The following MAST4 variants were observed in gnomAD, a reference collection of about 807,000 sequenced individuals.
The protein encoded by MAST4 is microtubule-associated serine/threonine-protein kinase 4.
MAST4 carries 89 observed loss-of-function variants against 162.7 expected under a neutral mutation model. That is an observed-to-expected ratio of 0.55 (90% CI 0.46 to 0.65). The LOEUF (loss-of-function observed/expected upper bound fraction) is 0.65, where lower values mean the gene tolerates loss of function less well. Among genes scored for constraint, MAST4 ranks in the 30% least tolerant of loss-of-function variants. The pLI, the probability that MAST4 is intolerant of heterozygous loss-of-function variation, is 0.00. For synonymous variants in MAST4, 1,479 were observed against 1,361.1 expected, an observed-to-expected ratio of 1.09 and a Z score of -1.91; for missense variants, 3,153 against 3,374.0, an observed-to-expected ratio of 0.93 and a Z score of 1.62.
rs553273907 is a variant in MAST4 at position 66,693,889 on chromosome 5, A to G, written c.364-65820A>G. On this transcript the variant is annotated intron_variant, in intron 1 of 28. Coordinates refer to ENST00000403625, the MANE Select transcript of MAST4 (RefSeq NM_001164664.2). ...TTACCCAAAGTTGTAGTGATCACACAAAAAAAGCTTTATACAAGGGGAGGG... is the reference window on the plus strand; with the variant it reads ...TTACCCAAAGTTGTAGTGATCACACGAAAAAAGCTTTATACAAGGGGAGGG... 9.2e-5 allele frequency among the ~76,000 whole-genome samples: 14 copies of G among 152,268 alleles called. No individual in the cohort carries two copies. The East Asian group carries it at 2.7e-3, about 29-fold the overall frequency.
intron 16 of MAST4, among the ~76,000 whole-genome samples, chr5:67,132,817 A>T (rs1045046206): frequency 1.3e-5 from 2 of 152,132 alleles, no homozygotes; most frequent in African/African-American, 4.8e-5. Context: ...ATGCAGGGGA[A>T]AAAAGAGAGA....
chr5:66,961,385 A>G (rs1175560803), intron 4 of MAST4, among the ~76,000 whole-genome samples: 1 of 152,236 alleles, frequency 6.6e-6, no homozygotes, highest in Non-Finnish European at 1.5e-5. Context: ...AGTTTATTCC[A>G]TAAGCACTGC....
chr5:67,063,375 C>T (rs1188189026), intron 5 of MAST4, among the ~76,000 whole-genome samples: 1 of 152,162 alleles, frequency 6.6e-6, no homozygotes, highest in Non-Finnish European at 1.5e-5. Flanking sequence ...TTATGCAGAT[C>T]CATCTGCCCT....
intron 1 of MAST4, among the ~76,000 whole-genome samples, chr5:66,731,284 C>G (rs973987659): frequency 6.8e-6 from 1 of 147,720 alleles, no homozygotes; most frequent in East Asian, 1.9e-4. Flanking sequence ...TGCAGAGACA[C>G]TGGGGTATAT....
chr5:66,966,071 C>T (rs1339720487), intron 4 of MAST4, among the ~76,000 whole-genome samples: 1 of 152,156 alleles, frequency 6.6e-6, no homozygotes, highest in Non-Finnish European at 1.5e-5. Flanking sequence ...ATTTAATCCA[C>T]CCAACACTAC....
intron 4 of MAST4, among the ~76,000 whole-genome samples, chr5:66,976,740 TATA>T (rs1037142492): frequency 2.6e-5 from 4 of 152,122 alleles, no homozygotes; most frequent in Admixed American, 1.3e-4. Flanking sequence ...GTGTGATGAT[TATA>T]ATGTGTTATA....
At chr5:66,897,795 T>C (rs1171242545) in intron 3 of MAST4, among the ~76,000 whole-genome samples, 1 of 152,236 alleles carries the variant, frequency 6.6e-6, no homozygotes, top group Admixed American at 6.5e-5. Context: ...TTAGAACTCA[T>C]AATTCTAGAC....
At chr5:66,904,339 A>T (rs990561673) in intron 4 of MAST4, among the ~76,000 whole-genome samples, 2 of 152,116 alleles carry the variant, frequency 1.3e-5, no homozygotes, top group African/African-American at 4.8e-5. Flanking sequence ...TTTTTCATGG[A>T]ATTCCCTAGA....
chr5:67,011,760 T>C (rs918690749), intron 4 of MAST4, among the ~76,000 whole-genome samples: 3 of 152,208 alleles, frequency 2.0e-5, no homozygotes, highest in Non-Finnish European at 4.4e-5. Context: ...TTCAAAAATG[T>C]TGCTTTTAGC....
At chr5:66,626,856 C>T (rs1196373591) in intron 1 of MAST4, among the ~76,000 whole-genome samples, 2 of 152,014 alleles carry the variant, frequency 1.3e-5, no homozygotes, top group African/African-American at 2.4e-5. Context: ...GACACCTAAG[C>T]GAGGGATGTT....
At chr5:66,863,323 A>G (rs1760251251) in intron 3 of MAST4, among the ~76,000 whole-genome samples, 1 of 152,166 alleles carries the variant, frequency 6.6e-6, no homozygotes, top group African/African-American at 2.4e-5. Context: ...GTTTGTTTCT[A>G]AAACAGAAAA....
In MAST4 at chr5:66,760,190, A is replaced by G. The variant is rs975770877; in HGVS notation, c.517+328A>G. On this transcript the variant is annotated intron_variant, in intron 2 of 28. Transcript: ENST00000403625. ...CAGTGGTGTGGCATGATCTCGGCTC[A>G]CTGCAACCTCCGCCTCCCAGGTTCA... Among the ~76,000 whole-genome samples the G allele has an allele frequency of 3.3e-5, 5 of 150,904 alleles. No homozygotes were observed. The East Asian group carries it at 5.9e-4, about 18-fold the overall frequency.
intron 3 of MAST4, among the ~76,000 whole-genome samples, chr5:66,802,275 TTC>T: frequency 6.6e-6 from 1 of 152,300 alleles, no homozygotes; most frequent in South Asian, 2.1e-4. Flanking sequence ...TCTCTCTGTA[TTC>T]ATGGAAGCTG....
At chr5:66,609,106 AG>A (rs1291548487) in intron 1 of MAST4, among the ~76,000 whole-genome samples, 1 of 146,550 alleles carries the variant, frequency 6.8e-6, no homozygotes, top group Non-Finnish European at 1.5e-5. Flanking sequence ...CAGAGTCTGC[AG>A]GCTCCAAACA....
At chr5:66,703,236 GGAA>G (rs1328432776) in intron 1 of MAST4, among the ~76,000 whole-genome samples, 2 of 152,100 alleles carry the variant, frequency 1.3e-5, no homozygotes, top group Non-Finnish European at 2.9e-5. Context: ...AACAGATTCG[GGAA>G]GAAGATGACG....
chr5:67,017,292 T>C (rs868318876), intron 4 of MAST4, among the ~76,000 whole-genome samples: 1 of 152,328 alleles, frequency 6.6e-6, no homozygotes, highest in Middle Eastern at 3.4e-3. Flanking sequence ...TTTTGAGGAA[T>C]AGCTGCCCCT....
intron 3 of MAST4, among the ~76,000 whole-genome samples, chr5:66,832,239 C>G (rs1757655804): frequency 6.6e-6 from 1 of 152,156 alleles, no homozygotes; most frequent in African/African-American, 2.4e-5. Flanking sequence ...TTTCCATCCA[C>G]TTCCAGACTC....
At chr5:67,079,140 G>A (rs1403701335) in intron 5 of MAST4, among the ~76,000 whole-genome samples, 1 of 150,188 alleles carries the variant, frequency 6.7e-6, no homozygotes, top group Non-Finnish European at 1.5e-5. Context: ...TTTGCTCATA[G>A]GAATTTAGCT....
At chr5:66,709,076 T>G (rs1750329179) in intron 1 of MAST4, among the ~76,000 whole-genome samples, 1 of 152,204 alleles carries the variant, frequency 6.6e-6, no homozygotes, top group Non-Finnish European at 1.5e-5. Context: ...TGAAATATTT[T>G]TTTGCAGGTG....
Sources: gnomAD v4.1 joint callset for allele counts (sites outside exome capture counted in the v4.1 genomes callset) on GRCh38, gnomAD v4.1.1 for gene constraint, MANE v1.5 for transcripts, NCBI Gene and HGNC (gene_info 2026-07-23, HGNC 2026-07-21) for gene names.